Variants in NDUFS4 observed in about 807,000 individuals in gnomAD.
NDUFS4 encodes the protein NADH dehydrogenase [ubiquinone] iron-sulfur protein 4, mitochondrial.
Under a neutral mutation model 24.3 loss-of-function variants are expected in NDUFS4, and 28 were observed. The ratio of observed to expected loss-of-function variants is 1.15; its 90% CI spans 0.85 to 1.58. The LOEUF is 1.58. Among genes scored for constraint, NDUFS4 ranks in the 40% most tolerant of loss-of-function variants. The pLI, the probability that NDUFS4 is intolerant of heterozygous loss-of-function variation, is 0.00. For missense variants in NDUFS4, 223 were observed against 207.9 expected (o/e 1.07, Z -0.45); for synonymous variants, 93 against 69.7 (o/e 1.34, Z -1.67).
intron 1 of NDUFS4, among the ~76,000 whole-genome samples, chr5:53,582,236 A>AAAATAAAATT (rs1554054136): frequency 6.2e-5 from 8 of 128,428 alleles, no homozygotes; most frequent in African/African-American, 2.2e-4. Context: ...AAAATAAAAT[A>AAAATAAAATT]AAATAAAATT....
At chr5:53,616,204 CTTCA>C (rs1579876788) in intron 2 of NDUFS4, among the ~76,000 whole-genome samples, 1 of 147,142 alleles carries the variant, frequency 6.8e-6, no homozygotes, top group East Asian at 2.0e-4. Flanking sequence ...TTATCCTTTC[CTTCA>C]TTCATTCAAT....
chr5:53,651,231 A>T (rs114555130), intron 3 of NDUFS4, among the ~76,000 whole-genome samples: 14,064 of 152,086 alleles, frequency 0.092, 775 homozygotes, highest in Middle Eastern at 0.13. Flanking sequence ...TTTGATTAGA[A>T]CAGAGAATTG....
chr5:53,582,261 A>G (rs1174152143), intron 1 of NDUFS4, among the ~76,000 whole-genome samples: 2 of 134,372 alleles, frequency 1.5e-5, no homozygotes, highest in African/African-American at 5.4e-5. Context: ...TAAAATAAAA[A>G]TAAATAGCTA....
Position 53,568,496 on chromosome 5 carries a change from TC to T in NDUFS4, c.98+7737del, listed in dbSNP as rs549604396. ...AAATTCTTCCATTTTTGCATATTTT[TC>T]TATTCTAAATTAAGTTTTATGCTTT... On this transcript the variant is annotated intron_variant, in intron 1 of 4. Coordinates refer to ENST00000296684, the MANE Select transcript of NDUFS4 (RefSeq NM_002495.4). Among the ~76,000 whole-genome samples, 453 of 152,270 alleles carry T rather than the reference TC, an allele frequency of 3.0e-3. 1 individual carries two copies. The highest frequency in any genetic ancestry group is 0.011 in the African/African-American group (437 of 41,572).
intron 1 of NDUFS4, among the ~76,000 whole-genome samples, chr5:53,601,276 T>G (rs1224481453): frequency 2.6e-5 from 4 of 152,186 alleles, no homozygotes; most frequent in African/African-American, 9.7e-5. Context: ...GTGCTGGGAT[T>G]ATAGGCATGA....
At chr5:53,627,841 A>G (rs1267869684) in intron 2 of NDUFS4, among the ~76,000 whole-genome samples, 1 of 152,128 alleles carries the variant, frequency 6.6e-6, no homozygotes, top group Non-Finnish European at 1.5e-5. Context: ...AGACAATTTG[A>G]CTTCCTCTTT....
chr5:53,619,075 C>G (rs897801058), intron 2 of NDUFS4, among the ~76,000 whole-genome samples: 1 of 151,640 alleles, frequency 6.6e-6, no homozygotes, highest in Non-Finnish European at 1.5e-5. Flanking sequence ...GATCGCGCCA[C>G]TCTACTCCAG....
chr5:53,570,674 A>ATTTT (rs376174216), intron 1 of NDUFS4, among the ~76,000 whole-genome samples: 2 of 127,982 alleles, frequency 1.6e-5, no homozygotes, highest in African/African-American at 3.0e-5. Flanking sequence ...TTTGTATTGT[A>ATTTT]TTTTTTTTTC....
At chr5:53,593,625 G>A (rs1187465470) in intron 1 of NDUFS4, among the ~76,000 whole-genome samples, 1 of 149,190 alleles carries the variant, frequency 6.7e-6, no homozygotes, top group Non-Finnish European at 1.5e-5. Flanking sequence ...GTTTCCTGTG[G>A]TGGAAGCTTA....
chr5:53,656,249 GA>G (rs1362909415), intron 3 of NDUFS4, among the ~76,000 whole-genome samples: 1 of 149,842 alleles, frequency 6.7e-6, no homozygotes, highest in East Asian at 2.0e-4. Flanking sequence ...TCTGGTCTCT[GA>G]AAATTATTTT....
chr5:53,657,289 G>A (rs4147736), intron 3 of NDUFS4, among the ~76,000 whole-genome samples: 63,836 of 151,894 alleles, frequency 0.42, 14,236 homozygotes, highest in Admixed American at 0.5. Context: ...GATATTATTA[G>A]TACTAATATA....
At chr5:53,668,616 ATTTTT>A (rs951595795) in intron 4 of NDUFS4, among the ~76,000 whole-genome samples, 174 of 132,312 alleles carry the variant, frequency 1.3e-3, no homozygotes, top group African/African-American at 4.4e-3. Context: ...TGTCCAGCTA[ATTTTT>A]TTTTTTTTTT....
intron 3 of NDUFS4, among the ~76,000 whole-genome samples, chr5:53,648,212 T>A (rs149590146): frequency 6.6e-6 from 1 of 152,288 alleles, no homozygotes; most frequent in African/African-American, 2.4e-5. Flanking sequence ...ATATGTGAGA[T>A]GAGCCGCCAT....
chr5:53,632,961 C>T (rs1341766420), intron 2 of NDUFS4, among the ~76,000 whole-genome samples: 1 of 152,154 alleles, frequency 6.6e-6, no homozygotes, highest in Non-Finnish European at 1.5e-5. Context: ...CTTTATAAAA[C>T]ATACCTACTA....
intron 1 of NDUFS4, among the ~76,000 whole-genome samples, chr5:53,569,530 T>G (rs901232242): frequency 8.5e-5 from 13 of 152,282 alleles, no homozygotes; most frequent in East Asian, 5.8e-4. Context: ...AGTCCAACCC[T>G]TTATTTAATG....
chr5:53,589,915 C>T (rs1485625266), intron 1 of NDUFS4, among the ~76,000 whole-genome samples: 1 of 152,156 alleles, frequency 6.6e-6, no homozygotes, highest in Non-Finnish European at 1.5e-5. Flanking sequence ...GTTGGCTTTC[C>T]TTGCTCCTCA....
chr5:53,649,403 C>T (rs1751956004), intron 3 of NDUFS4, among the ~76,000 whole-genome samples: 1 of 152,246 alleles, frequency 6.6e-6, no homozygotes. Flanking sequence ...TTGTTTCCAT[C>T]TTTACGTCCA....
chr5:53,602,920 A>T (rs1377490826), intron 1 of NDUFS4, among the ~76,000 whole-genome samples: 1 of 152,234 alleles, frequency 6.6e-6, no homozygotes, highest in Non-Finnish European at 1.5e-5. Flanking sequence ...TTTCATTTTA[A>T]CTAATTTTAT....
At chr5:53,586,666 G>A (rs1318156727) in intron 1 of NDUFS4, among the ~76,000 whole-genome samples, 1 of 152,040 alleles carries the variant, frequency 6.6e-6, no homozygotes. Context: ...GGGACTACTT[G>A]CGTCCACCAC....
Sources: allele counts gnomAD v4.1 joint callset (sites outside exome capture counted in the v4.1 genomes callset), GRCh38; gene constraint gnomAD v4.1.1; transcripts MANE v1.5; gene names NCBI Gene and HGNC (gene_info 2026-07-23, HGNC 2026-07-21).